The following CNTN5 variants were observed in gnomAD, a reference collection of about 807,000 sequenced individuals.
CNTN5 encodes the protein contactin-5.
A neutral mutation model predicts 129.1 loss-of-function variants in CNTN5; 77 were observed. The observed-to-expected ratio is 0.60, with a 90% CI of 0.50 to 0.72. The LOEUF (loss-of-function observed/expected upper bound fraction) is 0.72, where lower values mean the gene tolerates loss of function less well. Ranked by LOEUF, CNTN5 falls within the 30% of genes least tolerant of loss-of-function variation. The pLI is 0.00. For missense variants in CNTN5, 1,478 were observed against 1,328.8 expected (o/e 1.11, Z -1.75); for synonymous variants, 509 against 465.6 (o/e 1.09, Z -1.20).
intron 6 of CNTN5, among the ~76,000 whole-genome samples, chr11:99,883,309 C>T (rs1948819822): frequency 6.6e-6 from 1 of 152,146 alleles, no homozygotes. Context: ...TCCGTAGTGG[C>T]TGTACTAATT....
chr11:99,996,149 T>A (rs1939430725), intron 8 of CNTN5, among the ~76,000 whole-genome samples: 1 of 152,184 alleles, frequency 6.6e-6, no homozygotes, highest in Admixed American at 6.5e-5. Context: ...ATGCCCTTAT[T>A]CCTGTACCTC....
chr11:99,885,507 A>C (rs2135878436), intron 6 of CNTN5, among the ~76,000 whole-genome samples: 1 of 152,320 alleles, frequency 6.6e-6, no homozygotes, highest in Non-Finnish European at 1.5e-5. Context: ...ACAAAATTGT[A>C]AATAAGCAAA....
chr11:99,867,337 GA>G (rs1686540957), intron 6 of CNTN5, among the ~76,000 whole-genome samples: 1 of 152,194 alleles, frequency 6.6e-6, no homozygotes. Context: ...TCTATCATAA[GA>G]ACCAGAGTGC....
At chr11:99,863,312 A>G (rs1025767035) in intron 6 of CNTN5, among the ~76,000 whole-genome samples, 16 of 152,198 alleles carry the variant, frequency 1.1e-4, no homozygotes, top group Non-Finnish European at 1.9e-4. Flanking sequence ...CAAACTGGTT[A>G]GTATAGTCGT....
intron 21 of CNTN5, among the ~76,000 whole-genome samples, chr11:100,327,368 C>T (rs895570973): frequency 3.9e-5 from 6 of 152,208 alleles, no homozygotes; most frequent in African/African-American, 1.4e-4. Flanking sequence ...TTCAGCCCCA[C>T]ATCCCCCTCT....
intron 2 of CNTN5, among the ~76,000 whole-genome samples, chr11:99,482,609 GT>G: frequency 6.6e-6 from 1 of 152,122 alleles, no homozygotes; most frequent in Non-Finnish European, 1.5e-5. Flanking sequence ...AAAATCAATT[GT>G]TTTCTTGAAA....
intron 7 of CNTN5, among the ~76,000 whole-genome samples, chr11:99,934,393 A>G (rs190193777): frequency 6.6e-6 from 1 of 152,350 alleles, no homozygotes; most frequent in African/African-American, 2.4e-5. Flanking sequence ...GAGTTTAAAT[A>G]ACAATTGACA....
intron 3 of CNTN5, among the ~76,000 whole-genome samples, chr11:99,793,162 C>A (rs1307975852): frequency 6.6e-6 from 1 of 151,992 alleles, no homozygotes; most frequent in Non-Finnish European, 1.5e-5. Flanking sequence ...CAGGTTCACG[C>A]CATTCTCCTG....
chr11:99,418,310 CTA>C (rs879922807), intron 2 of CNTN5, among the ~76,000 whole-genome samples: 20 of 152,046 alleles, frequency 1.3e-4, no homozygotes, highest in Non-Finnish European at 1.8e-4. Flanking sequence ...TATTCTTACT[CTA>C]TGTGGAAAAT....
At chr11:99,261,095 A>T (rs1268245384) in intron 1 of CNTN5, among the ~76,000 whole-genome samples, 1 of 152,076 alleles carries the variant, frequency 6.6e-6, no homozygotes, top group East Asian at 1.9e-4. Flanking sequence ...AACCAGTAAA[A>T]AAAATGCAGT....
chr11:99,619,361 CAT>C (rs112764020), intron 3 of CNTN5, among the ~76,000 whole-genome samples: 2 of 152,016 alleles, frequency 1.3e-5, no homozygotes, highest in African/African-American at 2.4e-5. Context: ...ACTAATTAAA[CAT>C]AATATATATT....
chr11:100,298,912 A>G (rs962054624), intron 19 of CNTN5, among the ~76,000 whole-genome samples: 2 of 151,292 alleles, frequency 1.3e-5, no homozygotes, highest in African/African-American at 4.8e-5. Flanking sequence ...TTTCACTTCA[A>G]AAGTTTTCAA....
intron 3 of CNTN5, among the ~76,000 whole-genome samples, chr11:99,588,066 G>A (rs1388628090): frequency 1.3e-5 from 2 of 152,174 alleles, no homozygotes; most frequent in Admixed American, 6.5e-5. Flanking sequence ...ACCACCGGCC[G>A]GGCGCAGTGG....
rs189862294 is a variant in CNTN5 at position 99,732,253 on chromosome 11, A to C, written c.56-87291A>C. Among the ~76,000 whole-genome samples the C allele has an allele frequency of 6.0e-3, 907 of 150,796 alleles. 5 individuals are homozygous for C. Among genetic ancestry groups the C allele is most frequent in the Middle Eastern group, 0.024 (7 of 294 alleles). On this transcript the variant is annotated intron_variant, in intron 3 of 24. Transcript: ENST00000524871. ...GAGGTTGTTTTAAAGAATTAATGGA[A>C]TGGAAGTAATAGAGTTAGTGAGCTG...
At chr11:99,154,053 G>A (rs749102832) in intron 1 of CNTN5, among the ~76,000 whole-genome samples, 38 of 152,074 alleles carry the variant, frequency 2.5e-4, no homozygotes, top group Admixed American at 8.5e-4. Flanking sequence ...ATCTGCTGAC[G>A]AAAACACTCC....
At chr11:99,047,267 T>C (rs895100131) in intron 1 of CNTN5, among the ~76,000 whole-genome samples, 3 of 151,806 alleles carry the variant, frequency 2.0e-5, no homozygotes, top group African/African-American at 7.2e-5. Context: ...TTCATAGCCT[T>C]TTATATTCTA....
At chr11:99,885,410 G>A (rs1948876271) in intron 6 of CNTN5, among the ~76,000 whole-genome samples, 1 of 152,184 alleles carries the variant, frequency 6.6e-6, no homozygotes, top group African/African-American at 2.4e-5. Context: ...ACAACTTGGT[G>A]ATAAAGTCCT....
chr11:99,368,187 A>C (rs1340704189), intron 2 of CNTN5, among the ~76,000 whole-genome samples: 2 of 151,242 alleles, frequency 1.3e-5, no homozygotes, highest in Non-Finnish European at 2.9e-5. Context: ...CCATTTTACT[A>C]TTACCATATT....
intron 1 of CNTN5, among the ~76,000 whole-genome samples, chr11:99,035,936 T>C (rs544482023): frequency 6.6e-6 from 1 of 152,256 alleles, no homozygotes; most frequent in Non-Finnish European, 1.5e-5. Flanking sequence ...GTTTAGCACT[T>C]CCTTCTGGAG....
Sources: allele counts gnomAD v4.1 joint callset (sites outside exome capture counted in the v4.1 genomes callset), GRCh38; gene constraint gnomAD v4.1.1; transcripts MANE v1.5; gene names NCBI Gene and HGNC (gene_info 2026-07-23, HGNC 2026-07-21).